The following SCNN1B variants were observed in gnomAD, a reference collection of about 807,000 sequenced individuals.
SCNN1B encodes the protein epithelial sodium channel subunit beta.
Under a neutral mutation model 65.3 loss-of-function variants are expected in SCNN1B, and 46 were observed. The observed-to-expected ratio is 0.70, with a 90% CI of 0.56 to 0.90. The LOEUF (loss-of-function observed/expected upper bound fraction) is 0.90, where lower values mean the gene tolerates loss of function less well. SCNN1B is among the 40% of genes least tolerant of loss of function. SCNN1B has a pLI of 0.00. For missense variants in SCNN1B, 751 were observed against 830.5 expected, an observed-to-expected ratio of 0.90 and a Z score of 1.18; for synonymous variants, 349 against 330.6, an observed-to-expected ratio of 1.06 and a Z score of -0.60.
chr16:23,349,748 G>GC (rs1215686426), intron 2 of SCNN1B, among the ~76,000 whole-genome samples: 5 of 152,140 alleles, frequency 3.3e-5, no homozygotes, highest in Non-Finnish European at 5.9e-5. Flanking sequence ...GAGCAAACAT[G>GC]CCCCACAAAG....
intron 1 of SCNN1B, among the ~76,000 whole-genome samples, chr16:23,340,466 G>C (rs1277782649): frequency 6.6e-6 from 1 of 152,132 alleles, no homozygotes; most frequent in Admixed American, 6.5e-5. Context: ...ATAGTGTGGG[G>C]TAGGAGTTAA....
At chr16:23,313,796 G>A (rs938560481) in intron 1 of SCNN1B, among the ~76,000 whole-genome samples, 2 of 152,176 alleles carry the variant, frequency 1.3e-5, no homozygotes, top group African/African-American at 4.8e-5. Flanking sequence ...ATTTTTAGTA[G>A]AGACAGGGTT....
chr16:23,324,430 T>C (rs1479745728), intron 1 of SCNN1B, among the ~76,000 whole-genome samples: 1 of 152,126 alleles, frequency 6.6e-6, no homozygotes, highest in Non-Finnish European at 1.5e-5. Context: ...CTGGAACTCC[T>C]GGCTTCAAGC....
chr16:23,380,579 C>T lies in SCNN1B; in HGVS notation c.1701C>T (p.Ala567=), dbSNP rs1328994004. 6.2e-7 allele frequency: 1 copy of T among 1,614,072 alleles called. No homozygotes were observed. The highest frequency in any genetic ancestry group is 1.3e-5 in the African/African-American group (1 of 74,940). The change falls in exon 13 of 13, where the codon GCC becomes GCT. Residue 567 remains alanine (A), a synonymous_variant. Coordinates refer to ENST00000343070, the MANE Select transcript of SCNN1B (RefSeq NM_000336.3). The surrounding 1 kb of genome is among the most constrained non-coding windows in gnomAD (Gnocchi z 5.4). The stretch of plus-strand genomic sequence containing the variant: ...CCAAGAGCCTACGGCAGCGGCGAGC[C>T]CAAGCCAGCTACGCTGGCCCACCGC... The part of the protein sequence containing the change: ...ALAKSLRQRR[A]QASYAGPPPT...
intron 4 of SCNN1B, among the ~76,000 whole-genome samples, chr16:23,356,580 C>T (rs996285297): frequency 3.3e-5 from 5 of 151,144 alleles, no homozygotes; most frequent in African/African-American, 9.8e-5. Flanking sequence ...GCCATGATCA[C>T]GTCACTGCAC....
At chr16:23,363,270 T>G (rs2142031083) in intron 4 of SCNN1B, among the ~76,000 whole-genome samples, 1 of 152,344 alleles carries the variant, frequency 6.6e-6, no homozygotes. Flanking sequence ...CATCCACCCC[T>G]TGCCGCAGTC....
At chr16:23,282,693 C>T (rs1960799778) in intron 1 of SCNN1B, among the ~76,000 whole-genome samples, 1 of 152,206 alleles carries the variant, frequency 6.6e-6, no homozygotes, top group Admixed American at 6.5e-5. Flanking sequence ...TGTGCCATGT[C>T]AGTTTACTAT....
intron 2 of SCNN1B, among the ~76,000 whole-genome samples, chr16:23,296,094 C>CCGGGCTGAAGGAGAAGT (rs749750671): frequency 5.3e-5 from 8 of 151,980 alleles, no homozygotes; most frequent in Admixed American, 4.6e-4. Context: ...GGCCAATTGG[C>CCGGGCTGAAGGAGAAGT]CGGGCTGAAG....
intron 2 of SCNN1B, among the ~76,000 whole-genome samples, chr16:23,286,057 G>A (rs1234336219): frequency 6.6e-6 from 1 of 152,074 alleles, no homozygotes; most frequent in Non-Finnish European, 1.5e-5. Flanking sequence ...AAAAGAGAAA[G>A]AGAAAACAGA....
At chr16:23,320,419 C>A (rs1042193835) in intron 1 of SCNN1B, among the ~76,000 whole-genome samples, 1 of 152,166 alleles carries the variant, frequency 6.6e-6, no homozygotes, top group African/African-American at 2.4e-5. Context: ...GTTGGGGGGC[C>A]CCGCAGTCCA....
chr16:23,332,932 C>A (rs373099965), intron 1 of SCNN1B, among the ~76,000 whole-genome samples: 1 of 151,920 alleles, frequency 6.6e-6, no homozygotes, highest in Non-Finnish European at 1.5e-5. Flanking sequence ...TAGCTGGACG[C>A]GGCGGCAGGC....
At chr16:23,290,708 G>C (rs944508769) in intron 2 of SCNN1B, among the ~76,000 whole-genome samples, 8 of 152,112 alleles carry the variant, frequency 5.3e-5, no homozygotes, top group African/African-American at 1.9e-4. Context: ...AAAAAAATTA[G>C]ACTTTCTGGC....
At chr16:23,285,239 C>T (rs1960833884) in intron 2 of SCNN1B, among the ~76,000 whole-genome samples, 1 of 152,200 alleles carries the variant, frequency 6.6e-6, no homozygotes, top group African/African-American at 2.4e-5. Context: ...ATGATGTGAT[C>T]ATTGCTCACT....
intron 9 of SCNN1B, 33 bp from the exon 10 acceptor site, chr16:23,377,296 A>G: frequency 6.2e-7 from 1 of 1,614,144 alleles, no homozygotes; most frequent in Admixed American, 1.7e-5. Flanking sequence ...CATCACTGGC[A>G]GGGACCACAA....
chr16:23,329,038 G>A (rs892190782), intron 1 of SCNN1B, among the ~76,000 whole-genome samples: 17 of 152,002 alleles, frequency 1.1e-4, no homozygotes, highest in African/African-American at 3.4e-4. Context: ...GGGCTCAAGC[G>A]ATCTTCCAAC....
At chr16:23,301,305 T>G (rs1961076754), upstream of SCNN1B, among the ~76,000 whole-genome samples, 1 of 144,602 alleles carries the variant, frequency 6.9e-6, no homozygotes, top group Admixed American at 6.9e-5. Flanking sequence ...GAGGTTACAG[T>G]GAGCTGAGAT....
chr16:23,304,964 C>G lies in SCNN1B; in HGVS notation c.-9+2527C>G, dbSNP rs150479864. Among the ~76,000 whole-genome samples the G allele has an allele frequency of 3.0e-4, 45 of 152,216 alleles. No homozygotes were observed. The East Asian group carries it at 7.6e-3, about 26-fold the overall frequency. ...AGTAAGCAGGAAGTCTTTTCCTGAA[C>G]AGGGGAGACCTGGAGATGGCCCTTG... On this transcript the variant is annotated intron_variant, in intron 1 of 12. Coordinates refer to ENST00000343070, the MANE Select transcript of SCNN1B (RefSeq NM_000336.3).
intron 1 of SCNN1B, among the ~76,000 whole-genome samples, chr16:23,320,821 A>G (rs1344594120): frequency 5.9e-5 from 9 of 152,124 alleles, no homozygotes; most frequent in Admixed American, 1.3e-4. Flanking sequence ...CCACACCCCC[A>G]CAGAGAGCTG....
chr16:23,333,696 A>T (rs1961876558), intron 1 of SCNN1B, among the ~76,000 whole-genome samples: 1 of 152,142 alleles, frequency 6.6e-6, no homozygotes, highest in Admixed American at 6.5e-5. Flanking sequence ...TCATGGCTGG[A>T]TGCAATGGCT....
Sources: allele counts gnomAD v4.1 joint callset (sites outside exome capture counted in the v4.1 genomes callset), GRCh38; gene constraint gnomAD v4.1.1; non-coding constraint Gnocchi (gnomAD v3.1); transcripts MANE v1.5; gene names NCBI Gene and HGNC (gene_info 2026-07-23, HGNC 2026-07-21).